KPNA4: variants seen among roughly 807,000 people sequenced by gnomAD.
The protein encoded by KPNA4 is karyopherin subunit alpha 4.
In KPNA4, 13 loss-of-function variants were observed where a neutral mutation model predicts 71.3. The ratio of observed to expected loss-of-function variants is 0.18; its 90% CI spans 0.12 to 0.29. KPNA4 has a LOEUF of 0.29. Ranked by LOEUF, KPNA4 falls within the 10% of genes least tolerant of loss-of-function variation. The pLI is 1.00. For synonymous variants in KPNA4, 189 were observed against 195.2 expected (o/e 0.97, Z 0.26); for missense variants, 334 against 603.2 (o/e 0.55, Z 4.67).
At chr3:160,542,083 T>C (rs1011336764) in intron 1 of KPNA4, among the ~76,000 whole-genome samples, 7 of 152,144 alleles carry the variant, frequency 4.6e-5, no homozygotes, top group Non-Finnish European at 8.8e-5. Flanking sequence ...ATATAGCATG[T>C]ACAAAAAGAG....
chr3:160,525,961 G>A lies in KPNA4; in HGVS notation c.703C>T (p.Pro235Ser). ...VNLCRHKDPP[P>S]PMETIQEILP... is the part of the protein sequence containing the mutation. ...ACCTCCTGAATGGTTTCCATTGGTG[G>A]TGGTGGGTCTTTGTGGCGACATAAG... The change falls in exon 9 of 17, where the codon CCA becomes TCA. Residue 235 changes from proline to serine, a missense_variant. Physicochemically the swap from Pro to Ser is moderately conservative, Grantham distance 74. Transcript: ENST00000334256. The A allele has an allele frequency of 6.3e-7, 1 of 1,585,128 alleles. No homozygotes were observed. The highest frequency in any genetic ancestry group is 8.6e-7 in the Non-Finnish European group (1 of 1,167,544).
At position 160,565,259 on chromosome 3, in the gene KPNA4, G is replaced by T; in HGVS notation, c.24C>A (p.Asp8Glu). MADNEKL[D>E]NQRLKNFKNK... The stretch of plus-strand genomic sequence containing the variant: ...TCTTGAAATTCTTGAGCCGTTGGTT[G>T]TCCAGTTTCTCGTTGTCCGCCATGG... The change falls in exon 1 of 17, where the codon GAC becomes GAA. Residue 8 changes from aspartate (D) to glutamate (E), a missense_variant. Transcript: ENST00000334256. 6.2e-7 allele frequency: 1 copy of T among 1,609,348 alleles called. No individual in the cohort carries two copies. Among genetic ancestry groups the T allele is most frequent in the Non-Finnish European group, 8.5e-7 (1 of 1,177,874 alleles).
chr3:160,554,296 C>T (rs1722094223), intron 1 of KPNA4, among the ~76,000 whole-genome samples: 1 of 152,184 alleles, frequency 6.6e-6, no homozygotes, highest in Admixed American at 6.5e-5. Flanking sequence ...GTGCATTGAA[C>T]ACCACTATCT....
intron 1 of KPNA4, among the ~76,000 whole-genome samples, chr3:160,560,595 ATTT>A (rs990947389): frequency 1.3e-5 from 2 of 151,232 alleles, no homozygotes; most frequent in African/African-American, 4.8e-5. Flanking sequence ...CTACCTTTGC[ATTT>A]TTTTTTCTAA....
intron 1 of KPNA4, among the ~76,000 whole-genome samples, chr3:160,541,646 C>T (rs1012057145): frequency 4.2e-5 from 5 of 118,434 alleles, no homozygotes; most frequent in African/African-American, 1.9e-4. Flanking sequence ...AAGTTATATA[C>T]GCGCACACAC....
intron 7 of KPNA4, among the ~76,000 whole-genome samples, chr3:160,529,824 A>C (rs1427962827): frequency 2.0e-5 from 3 of 152,138 alleles, no homozygotes; most frequent in Non-Finnish European, 4.4e-5. Context: ...ACTTTATAGA[A>C]GATTTCTTTA....
chr3:160,544,051 T>C (rs915678160), intron 1 of KPNA4, among the ~76,000 whole-genome samples: 10 of 151,714 alleles, frequency 6.6e-5, no homozygotes, highest in Admixed American at 6.6e-5. Flanking sequence ...AGAAACGGGG[T>C]TTTATCACAT....
intron 1 of KPNA4, among the ~76,000 whole-genome samples, chr3:160,538,312 G>C (rs1406248308): frequency 1.3e-5 from 2 of 152,032 alleles, no homozygotes; most frequent in Non-Finnish European, 2.9e-5. Flanking sequence ...AGTGGGTCTA[G>C]TAACTACTAT....
chr3:160,510,584 A>C (rs1279065507), intron 13 of KPNA4, among the ~76,000 whole-genome samples: 3 of 152,162 alleles, frequency 2.0e-5, no homozygotes, highest in Non-Finnish European at 2.9e-5. Flanking sequence ...CACATAAATA[A>C]AAGAAATGCA....
At chr3:160,552,461 CT>C (rs1722059257) in intron 1 of KPNA4, among the ~76,000 whole-genome samples, 1 of 152,078 alleles carries the variant, frequency 6.6e-6, no homozygotes, top group Non-Finnish European at 1.5e-5. Flanking sequence ...CAAATATTTA[CT>C]TAAATGCTGA....
At chr3:160,558,868 C>T (rs1722192165) in intron 1 of KPNA4, among the ~76,000 whole-genome samples, 1 of 152,104 alleles carries the variant, frequency 6.6e-6, no homozygotes, top group African/African-American at 2.4e-5. Context: ...TCACTGATTT[C>T]ACATCTAAAA....
At chr3:160,531,578 C>G in intron 5 of KPNA4, 21 bp from the exon 6 acceptor site, 1 of 1,246,454 alleles carries the variant, frequency 8.0e-7, no homozygotes. Context: ...TAAAAACACT[C>G]CTGTGAAACT....
intron 5 of KPNA4, among the ~76,000 whole-genome samples, chr3:160,533,461 A>C (rs1024268115): frequency 6.6e-6 from 1 of 152,074 alleles, no homozygotes; most frequent in Non-Finnish European, 1.5e-5. Context: ...AAAAAAAAAA[A>C]AAACCACTTC....
At chr3:160,534,718 G>GAAAAAAA (rs544384718) in intron 5 of KPNA4, among the ~76,000 whole-genome samples, 3 of 73,108 alleles carry the variant, frequency 4.1e-5, no homozygotes, top group African/African-American at 5.3e-5. Flanking sequence ...CTCCATCTCA[G>GAAAAAAA]AAAAAAAAAA....
At chr3:160,552,989 ATTATT>A (rs2108560144) in intron 1 of KPNA4, among the ~76,000 whole-genome samples, 1 of 152,162 alleles carries the variant, frequency 6.6e-6, no homozygotes, top group South Asian at 2.1e-4. Context: ...TTACTTTATT[ATTATT>A]ATTATTTTTT....
At chr3:160,549,040 G>A (rs1198232300) in intron 1 of KPNA4, among the ~76,000 whole-genome samples, 2 of 152,190 alleles carry the variant, frequency 1.3e-5, no homozygotes, top group Non-Finnish European at 2.9e-5. Flanking sequence ...GATTACTGAT[G>A]TTGAGCATCT....
chr3:160,520,194 CAT>C (rs1410106448), intron 11 of KPNA4, among the ~76,000 whole-genome samples: 4 of 151,674 alleles, frequency 2.6e-5, no homozygotes, highest in African/African-American at 9.7e-5. Flanking sequence ...TAAGGATAAA[CAT>C]ATGGCAAGAA....
In KPNA4 at chr3:160,497,515, A is replaced by G. The variant is rs1720790320; in HGVS notation, c.*4589T>C. 6.6e-6 allele frequency: 1 copy of G among 152,238 alleles called. No individual in the cohort carries two copies. Among genetic ancestry groups the G allele is most frequent in the Non-Finnish European group, 1.5e-5 (1 of 68,042 alleles). The allele number at this position is 152,238 out of a possible 1,614,324, so 9.4% of individuals were successfully genotyped here. A position where few individuals can be genotyped will look rare whatever the true frequency, so the allele number is the denominator to read the frequency against. On this transcript the variant is annotated 3_prime_UTR_variant, in exon 17 of 17. Coordinates refer to ENST00000334256, the MANE Select transcript of KPNA4 (RefSeq NM_002268.5). Reference sequence around the variant, plus strand: ...AAATTATTGTACATATATATTTAAAAGCATACTTTATTAATGTGCTTATTA... The same window carrying G: ...AAATTATTGTACATATATATTTAAAGGCATACTTTATTAATGTGCTTATTA...
intron 1 of KPNA4, among the ~76,000 whole-genome samples, chr3:160,549,287 ATGT>A (rs545372759): frequency 2.9e-3 from 440 of 152,204 alleles, no homozygotes; most frequent in African/African-American, 0.01. Flanking sequence ...TTTCAGTTTG[ATGT>A]TGTTCCACTT....
Sources: gnomAD v4.1 joint callset for allele counts (sites outside exome capture counted in the v4.1 genomes callset) on GRCh38, gnomAD v4.1.1 for gene constraint, MANE v1.5 for transcripts, NCBI Gene and HGNC (gene_info 2026-07-23, HGNC 2026-07-21) for gene names.